CLMN: variants seen among roughly 807,000 people sequenced by gnomAD.
The protein encoded by CLMN is calmin (calponin-like, transmembrane).
CLMN carries 57 observed loss-of-function variants against 92.7 expected under a neutral mutation model. That is an observed-to-expected ratio of 0.61 (90% confidence interval 0.50 to 0.77). The LOEUF (loss-of-function observed/expected upper bound fraction) is 0.77, where lower values mean the gene tolerates loss of function less well. Ranked by LOEUF, CLMN falls within the 30% of genes least tolerant of loss-of-function variation. The pLI is 0.00. For synonymous variants in CLMN, 466 were observed against 470.6 expected (o/e 0.99, Z 0.13); for missense variants, 1,158 against 1,237.5 (o/e 0.94, Z 0.96).
chr14:95,235,061 A>G (rs1468554785), intron 1 of CLMN, among the ~76,000 whole-genome samples: 5 of 152,230 alleles, frequency 3.3e-5, no homozygotes, highest in Non-Finnish European at 7.3e-5. Flanking sequence ...AGAGAAAAAT[A>G]TCTAAAATTG....
chr14:95,214,386 G>A (rs1233448875), intron 5 of CLMN, among the ~76,000 whole-genome samples: 1 of 113,898 alleles, frequency 8.8e-6, no homozygotes, highest in Non-Finnish European at 1.7e-5. Flanking sequence ...ATCTCATTCT[G>A]TTGCCCAGGC....
rs571000602 is a variant in CLMN, at chr14:95,302,461, TAAAGTCA to T, written c.82+17243_82+17249del. Among the ~76,000 whole-genome samples the T allele has an allele frequency of 2.1e-3, 314 of 152,304 alleles. 1 individual carries two copies. Among genetic ancestry groups the T allele is most frequent in the Admixed American group, 4.5e-3 (69 of 15,310 alleles). On this transcript the variant is annotated intron_variant, in intron 1 of 12. Coordinates refer to ENST00000298912, the MANE Select transcript of CLMN (RefSeq NM_024734.4). ...CATTTTCCAGTAGCCCTGTTATATA[TAAAGTCA>T]AAAGAAACAGGGGAAATTGATTTTA...
rs1210650297 is a variant in CLMN, at chr14:95,245,201, ATATATAT to A, written c.83-15075_83-15069del. 3.6e-3 allele frequency among the ~76,000 whole-genome samples: 114 copies of A among 32,036 alleles called. 6 individuals carry two copies. Among genetic ancestry groups the A allele is most frequent in the African/African-American group, 7.6e-3 (49 of 6,418 alleles). 21.0% of individuals were successfully genotyped at this position (32,036 alleles called of 152,430 possible). ...ATATATATATATATATATAATATAT[ATATATAT>A]TATATATATATATATATTATATATA... is the stretch of plus-strand genomic sequence containing the variant. On this transcript the variant is annotated intron_variant, in intron 1 of 12. Coordinates refer to ENST00000298912, the MANE Select transcript of CLMN (RefSeq NM_024734.4).
rs747458077 is a variant in CLMN, at chr14:95,203,443, C to T, written c.1906G>A (p.Gly636Arg). 39 of 1,614,028 alleles carry T rather than the reference C, an allele frequency of 2.4e-5. No individual in the cohort carries two copies. The highest frequency in any genetic ancestry group is 6.7e-5 in the Admixed American group (4 of 60,004). ...GAAGGACAGCCTTCAGCTTCTTCTC[C>T]GGAGTCCTGATGAGGTTCATGTTTG... ...MDKHEPHQDS[G>R]EEAEGCPSAP... Residue 636 changes from glycine (G) to arginine (R), a missense_variant, in exon 9 of 13, where the codon GGA becomes AGA. Gly to Arg is a moderately radical substitution (Grantham distance 125). Coordinates refer to ENST00000298912, the MANE Select transcript of CLMN (RefSeq NM_024734.4).
rs763053434 is a variant in CLMN at position 95,203,456 on chromosome 14, A to G, written c.1893T>C (p.Pro631=). 6.2e-7 allele frequency: 1 copy of G among 1,614,008 alleles called. No individual in the cohort carries two copies. Among genetic ancestry groups the G allele is most frequent in the Non-Finnish European group, 8.5e-7 (1 of 1,180,018 alleles). The change falls in exon 9 of 13, where the codon CCT becomes CCC. Residue 631 remains proline, a synonymous_variant. Coordinates refer to ENST00000298912, the MANE Select transcript of CLMN (RefSeq NM_024734.4). ...EPQVKMDKHE[P]HQDSGEEAEG... Reference sequence around the variant, plus strand: ...CAGCTTCTTCTCCGGAGTCCTGATGAGGTTCATGTTTGTCCATCTTAACTT... The same window carrying G: ...CAGCTTCTTCTCCGGAGTCCTGATGGGGTTCATGTTTGTCCATCTTAACTT...
At position 95,196,682 on chromosome 14, in the gene CLMN, G is replaced by A; in HGVS notation, c.2524C>T (p.Pro842Ser). 1 of 1,612,498 alleles carries A rather than the reference G, an allele frequency of 6.2e-7. No homozygotes were observed. The highest frequency in any genetic ancestry group is 8.5e-7 in the Non-Finnish European group (1 of 1,179,534). ...PMDSHQSQES[P>S]NLENIANPLE... ...GGGTTTGCTATGTTTTCCAGGTTTGGGGATTCCTGGGACTGAAAGACAGAA... is the reference window on the plus strand; with the variant it reads ...GGGTTTGCTATGTTTTCCAGGTTTGAGGATTCCTGGGACTGAAAGACAGAA... Residue 842 changes from proline to serine, a missense_variant, in exon 10 of 13, where the codon CCA becomes TCA. Pro to Ser is a moderately conservative substitution (Grantham distance 74). Transcript: ENST00000298912.
Position 95,185,910 on chromosome 14 carries a change from C to T in CLMN, c.*5654G>A, listed in dbSNP as rs971267542. ...GCATGACCACGGAAGGAGAACAGCT[C>T]CTCACCAAAGCAGCCATGATGGATT... On this transcript the variant is annotated 3_prime_UTR_variant, in exon 13 of 13. Coordinates refer to ENST00000298912, the MANE Select transcript of CLMN (RefSeq NM_024734.4). The T allele has an allele frequency of 6.6e-6, 1 of 152,216 alleles. No homozygotes were observed. The highest frequency in any genetic ancestry group is 1.5e-5 in the Non-Finnish European group (1 of 68,050). 9.4% of individuals were successfully genotyped at this position (152,216 alleles called of 1,614,324 possible).
At chr14:95,279,184 G>A (rs897992680) in intron 1 of CLMN, among the ~76,000 whole-genome samples, 10 of 152,106 alleles carry the variant, frequency 6.6e-5, no homozygotes, top group African/African-American at 7.2e-5. Flanking sequence ...CTTTTAGTTC[G>A]TGTCACTTGA....
chr14:95,260,540 G>A (rs1436415857), intron 1 of CLMN: 18 of 152,126 alleles, frequency 1.2e-4, no homozygotes, highest in Admixed American at 1.1e-3. Context: ...GAGTGGAGAC[G>A]TTATCTTAGA....
At chr14:95,200,774 C>A (rs1460428719) in intron 9 of CLMN, among the ~76,000 whole-genome samples, 1 of 152,102 alleles carries the variant, frequency 6.6e-6, no homozygotes, top group Non-Finnish European at 1.5e-5. Flanking sequence ...ATTTACACAC[C>A]AATTTCAAAC....
At chr14:95,270,649 T>C (rs1899672271) in intron 1 of CLMN, among the ~76,000 whole-genome samples, 1 of 149,856 alleles carries the variant, frequency 6.7e-6, no homozygotes, top group African/African-American at 2.5e-5. Flanking sequence ...TTCCTTTCTT[T>C]TTATTGCAGA....
At position 95,231,203 on chromosome 14, in the gene CLMN, T is replaced by G. The variant is rs1162677233; in HGVS notation, c.83-1070A>C. Among the ~76,000 whole-genome samples the G allele has an allele frequency of 3.3e-5, 5 of 150,874 alleles. No homozygotes were observed. In the East Asian group the frequency reaches 9.7e-4, roughly 29 times the overall value. On this transcript the variant is annotated intron_variant, in intron 1 of 12. Coordinates refer to ENST00000298912, the MANE Select transcript of CLMN (RefSeq NM_024734.4). ...CATTAAATCCTCTAACTTTTTTTTT[T>G]TTTTTTTTTTTGATACAGAGTCTAG...
chr14:95,201,172 A>T lies in CLMN; in HGVS notation c.2511+1666T>A, dbSNP rs184963886. 8.0e-5 allele frequency among the ~76,000 whole-genome samples: 12 copies of T among 150,456 alleles called. No individual in the cohort carries two copies. In the East Asian group the frequency reaches 9.7e-4, roughly 12 times the overall value. On this transcript the variant is annotated intron_variant, in intron 9 of 12. Transcript: ENST00000298912. ...TTAAAGTATAATAAAAAAATTTAAA[A>T]ATATATATATATATATTTTTTGTTT...
chr14:95,273,594 G>A (rs1899800316), intron 1 of CLMN, among the ~76,000 whole-genome samples: 1 of 152,132 alleles, frequency 6.6e-6, no homozygotes, highest in South Asian at 2.1e-4. Context: ...GCTTGTGATG[G>A]TGCCGTAATA....
chr14:95,273,964 G>A (rs1899818196), intron 1 of CLMN, among the ~76,000 whole-genome samples: 1 of 152,148 alleles, frequency 6.6e-6, no homozygotes, highest in Non-Finnish European at 1.5e-5. Flanking sequence ...GCTGGGTCAC[G>A]CTCAACTCAG....
chr14:95,183,014 C>A lies in CLMN; in HGVS notation c.*8550G>T, dbSNP rs1896363698. 6.6e-6 allele frequency: 1 copy of A among 152,242 alleles called. No individual in the cohort carries two copies. The highest frequency in any genetic ancestry group is 1.5e-5 in the Non-Finnish European group (1 of 68,036). 9.4% of individuals were successfully genotyped at this position (152,242 alleles called of 1,614,324 possible). A position where few individuals can be genotyped will look rare whatever the true frequency, so the allele number is the denominator to read the frequency against. Reference sequence around the variant, plus strand: ...AGCTTTGGGCTGATATACAGAGGTACACTTGCTTTAAGCAAATAGGCCACT... The same window carrying A: ...AGCTTTGGGCTGATATACAGAGGTAAACTTGCTTTAAGCAAATAGGCCACT... On this transcript the variant is annotated 3_prime_UTR_variant, in exon 13 of 13. Coordinates refer to ENST00000298912, the MANE Select transcript of CLMN (RefSeq NM_024734.4).
intron 1 of CLMN, among the ~76,000 whole-genome samples, chr14:95,316,059 G>A (rs572509316): frequency 6.6e-6 from 1 of 152,298 alleles, no homozygotes; most frequent in Non-Finnish European, 1.5e-5. Context: ...GGACCCTGAG[G>A]CTCAGACAAA....
At chr14:95,262,035 C>T (rs565688732) in intron 1 of CLMN, among the ~76,000 whole-genome samples, 24 of 152,368 alleles carry the variant, frequency 1.6e-4, no homozygotes, top group African/African-American at 5.5e-4. Context: ...GGCTGACAGG[C>T]GCTGGGGCTG....
chr14:95,220,779 G>A (rs1386022514), intron 4 of CLMN, among the ~76,000 whole-genome samples: 1 of 152,218 alleles, frequency 6.6e-6, no homozygotes, highest in African/African-American at 2.4e-5. Flanking sequence ...ATCTGGACCT[G>A]TGATGCTGAG....
Sources: allele counts gnomAD v4.1 joint callset (sites outside exome capture counted in the v4.1 genomes callset), GRCh38; gene constraint gnomAD v4.1.1; transcripts MANE v1.5; gene names NCBI Gene and HGNC (gene_info 2026-07-23, HGNC 2026-07-21).